PRIM2: variants seen among roughly 807,000 people sequenced by gnomAD.
PRIM2 encodes the protein DNA primase large subunit.
In PRIM2, 39 loss-of-function variants were observed where a neutral mutation model predicts 67.3. The observed-to-expected ratio is 0.58, with a 90% CI of 0.45 to 0.76. The LOEUF is 0.76. Ranked by LOEUF, PRIM2 falls within the 30% of genes least tolerant of loss-of-function variation. PRIM2 has a pLI of 0.00. For synonymous variants in PRIM2, 143 were observed against 198.7 expected (o/e 0.72, Z 2.36); for missense variants, 398 against 598.7 (o/e 0.66, Z 3.50).
At chr6:57,562,174 CATA>C (rs1775645846) in intron 10 of PRIM2, among the ~76,000 whole-genome samples, 1 of 151,854 alleles carries the variant, frequency 6.6e-6, no homozygotes, top group African/African-American at 2.4e-5. Flanking sequence ...GCAAAACAGA[CATA>C]ATAATAAAAT....
chr6:57,336,119 A>G (rs1768237258), intron 5 of PRIM2, among the ~76,000 whole-genome samples: 1 of 152,218 alleles, frequency 6.6e-6, no homozygotes, highest in African/African-American at 2.4e-5. Flanking sequence ...GCAATGGAAG[A>G]TGAAATGAAT....
chr6:57,347,062 C>G (rs568169116), intron 5 of PRIM2, among the ~76,000 whole-genome samples: 5 of 152,182 alleles, frequency 3.3e-5, no homozygotes, highest in African/African-American at 9.7e-5. Flanking sequence ...TGCTGTACTT[C>G]GGCTATTGAT....
intron 12 of PRIM2, among the ~76,000 whole-genome samples, chr6:57,626,649 G>A (rs1263271546): frequency 1.3e-5 from 2 of 149,308 alleles, no homozygotes; most frequent in South Asian, 2.1e-4. Flanking sequence ...TTTAAAGACA[G>A]GGTCTCATTC....
intron 10 of PRIM2, among the ~76,000 whole-genome samples, chr6:57,585,868 A>G (rs1257440667): frequency 6.6e-6 from 1 of 152,202 alleles, no homozygotes; most frequent in Non-Finnish European, 1.5e-5. Context: ...ATCTAAGTCC[A>G]TCTTGTGTTC....
At chr6:57,597,737 C>G (rs1170695265) in intron 10 of PRIM2, among the ~76,000 whole-genome samples, 6 of 152,102 alleles carry the variant, frequency 3.9e-5, no homozygotes, top group Non-Finnish European at 7.4e-5. Context: ...GTGTGTTGCT[C>G]TTAGTATGAG....
intron 11 of PRIM2, among the ~76,000 whole-genome samples, chr6:57,603,982 A>G (rs1431090806): frequency 6.6e-6 from 1 of 152,138 alleles, no homozygotes; most frequent in African/African-American, 2.4e-5. Context: ...TTTGGCTGTC[A>G]GCTTGAACAT....
the PRIM2 span, among the ~76,000 whole-genome samples, chr6:57,301,664 C>T: frequency 2.6e-5 from 4 of 152,046 alleles, no homozygotes; most frequent in Admixed American, 2.6e-4. Context: ...ACACAAAAAA[C>T]GAATTAGCAA....
chr6:57,238,986 T>A, the PRIM2 span, among the ~76,000 whole-genome samples: 1 of 151,992 alleles, frequency 6.6e-6, no homozygotes, highest in African/African-American at 2.4e-5. Flanking sequence ...TTCTTTTTTC[T>A]TTTTTTATTT....
chr6:57,376,902 G>A (rs1769782913), intron 5 of PRIM2, among the ~76,000 whole-genome samples: 2 of 152,110 alleles, frequency 1.3e-5, no homozygotes, highest in Admixed American at 1.3e-4. Flanking sequence ...TTTTGAGACC[G>A]AGTCTCGCCT....
At chr6:57,374,066 T>C (rs1769661834) in intron 5 of PRIM2, among the ~76,000 whole-genome samples, 1 of 152,054 alleles carries the variant, frequency 6.6e-6, no homozygotes. Flanking sequence ...ATACTGATTC[T>C]TTCTATCCAT....
chr6:57,242,673 G>A, the PRIM2 span, among the ~76,000 whole-genome samples: 1,945 of 152,244 alleles, frequency 0.013, 44 homozygotes, highest in African/African-American at 0.043. Context: ...TTAACTCTCA[G>A]AGGAAGATTA....
chr6:57,634,911 T>C (rs1385669373), intron 13 of PRIM2, among the ~76,000 whole-genome samples: 1 of 152,182 alleles, frequency 6.6e-6, no homozygotes, highest in Non-Finnish European at 1.5e-5. Flanking sequence ...AAAAGGCTGT[T>C]TGTATTCACT....
chr6:57,312,932 T>A (rs1767414536), upstream of PRIM2, among the ~76,000 whole-genome samples: 1 of 152,228 alleles, frequency 6.6e-6, no homozygotes, highest in South Asian at 2.1e-4. Flanking sequence ...CAGCACCATT[T>A]AGAATTGTCT....
intron 10 of PRIM2, among the ~76,000 whole-genome samples, chr6:57,541,923 G>A (rs1225773537): frequency 2.0e-5 from 3 of 150,904 alleles, no homozygotes; most frequent in Non-Finnish European, 4.4e-5. Flanking sequence ...TTGACCAAAT[G>A]TCTGGGCATC....
At chr6:57,325,803 A>G (rs918763780) in intron 4 of PRIM2, 122 bp from the exon 5 acceptor site, 2 of 923,342 alleles carry the variant, frequency 2.2e-6, no homozygotes, top group South Asian at 1.6e-5. Flanking sequence ...GAGGACTTGC[A>G]TGTTTTTAAC....
At chr6:57,310,245 T>TG (rs1245065677), upstream of PRIM2, among the ~76,000 whole-genome samples, 28 of 152,236 alleles carry the variant, frequency 1.8e-4, no homozygotes, top group Admixed American at 1.6e-3. Context: ...CACAATGTGG[T>TG]GATGACTCTT....
chr6:57,305,984 A>G, the PRIM2 span, among the ~76,000 whole-genome samples: 1 of 152,238 alleles, frequency 6.6e-6, no homozygotes, highest in Admixed American at 6.5e-5. Flanking sequence ...ATAAATGATA[A>G]ATGATGCTCA....
intron 7 of PRIM2, among the ~76,000 whole-genome samples, chr6:57,426,116 G>C (rs1252061884): frequency 6.6e-6 from 1 of 152,032 alleles, no homozygotes; most frequent in Non-Finnish European, 1.5e-5. Context: ...AATCTGCATA[G>C]ATTTTAAATA....
At chr6:57,307,462 C>T in the PRIM2 span, among the ~76,000 whole-genome samples, 14 of 151,894 alleles carry the variant, frequency 9.2e-5, no homozygotes, top group South Asian at 2.7e-3. Flanking sequence ...ACCGTGGTCT[C>T]GATCTGACCT....
Sources: gnomAD v4.1 joint callset for allele counts (sites outside exome capture counted in the v4.1 genomes callset) on GRCh38, gnomAD v4.1.1 for gene constraint, MANE v1.5 for transcripts, NCBI Gene and HGNC (gene_info 2026-07-23, HGNC 2026-07-21) for gene names.